The following CREBBP variants were observed in gnomAD, a reference collection of about 807,000 sequenced individuals.
CREBBP encodes CREB-binding protein.
Under a neutral mutation model 265.0 loss-of-function variants are expected in CREBBP, and 19 were observed. The ratio of observed to expected loss-of-function variants is 0.07; its 90% CI spans 0.05 to 0.11. The LOEUF is 0.11. Among genes scored for constraint, CREBBP ranks in the 10% least tolerant of loss-of-function variants. The pLI is 1.00. For synonymous variants in CREBBP, 1,457 were observed against 1,223.7 expected (o/e 1.19, Z -3.98); for missense variants, 2,525 against 3,219.0 (o/e 0.78, Z 5.22).
At chr16:3,835,876 G>T (rs181128369) in intron 2 of CREBBP, among the ~76,000 whole-genome samples, 1 of 151,356 alleles carries the variant, frequency 6.6e-6, no homozygotes, top group Non-Finnish European at 1.5e-5. Flanking sequence ...CACCGCGCCC[G>T]GCAGAAGATT....
At chr16:3,799,188 C>G (rs1567322500) in intron 3 of CREBBP, among the ~76,000 whole-genome samples, 1 of 152,168 alleles carries the variant, frequency 6.6e-6, no homozygotes, top group Admixed American at 6.6e-5. Flanking sequence ...TGGGGAATAA[C>G]TGCTAATGGT....
At chr16:3,757,134 A>C (rs1342559211) in intron 19 of CREBBP, among the ~76,000 whole-genome samples, 154 bp downstream of exon 19, 2 of 152,152 alleles carry the variant, frequency 1.3e-5, no homozygotes, top group African/African-American at 4.8e-5. Flanking sequence ...TCAGCCTCCC[A>C]AAGTGCTGGG....
Position 3,731,625 on chromosome 16 carries a change from G to T in CREBBP, c.4890+151C>A. On this transcript the variant is annotated intron_variant, in intron 29 of 30. Coordinates refer to ENST00000262367, the MANE Select transcript of CREBBP (RefSeq NM_004380.3). This position sits in a 1 kb window ranked among gnomAD's most constrained non-coding sequence, Gnocchi z 7.7. ...TGGGATGGAACAAAATTGGTGACAC[G>T]TTGCATGATGTCACCCAACTGGTCC... The T allele has an allele frequency of 7.2e-7, 1 of 1,383,308 alleles. No individual in the cohort carries two copies. The highest frequency in any genetic ancestry group is 1.0e-6 in the Non-Finnish European group (1 of 981,514). 85.7% of individuals were successfully genotyped at this position (1,383,308 alleles called of 1,614,324 possible).
chr16:3,819,506 G>C (rs529784738), intron 2 of CREBBP, among the ~76,000 whole-genome samples: 82 of 152,334 alleles, frequency 5.4e-4, no homozygotes, highest in African/African-American at 1.9e-3. Flanking sequence ...CAGAGAACGT[G>C]TAATGGTGGA....
At chr16:3,838,908 C>T (rs1333195877) in intron 2 of CREBBP, among the ~76,000 whole-genome samples, 1 of 152,164 alleles carries the variant, frequency 6.6e-6, no homozygotes, top group Non-Finnish European at 1.5e-5. Context: ...CTCATTATCA[C>T]TTCAAATGTT....
In CREBBP at chr16:3,757,316, C is replaced by T. The variant is rs777767339; in HGVS notation, c.3670G>A (p.Asp1224Asn). 1 of 1,613,642 alleles carries T rather than the reference C, an allele frequency of 6.2e-7. No homozygotes were observed. The highest frequency in any genetic ancestry group is 1.7e-5 in the Admixed American group (1 of 59,960). ...YGKQLCTIPR[D>N]AAYYSYQNRY... is the part of the protein sequence containing the mutation. ...TTCTGATAGCTGTAGTAGGCAGCAT[C>T]GCGAGGAATGGTACACAGCTGCTTC... The change falls in exon 19 of 31, where the codon GAT (aspartate) becomes AAT (asparagine). Residue 1224 changes from aspartate to asparagine, a missense_variant. By Grantham distance (23) the Asp-to-Asn change is conservative (BLOSUM62 1). Coordinates refer to ENST00000262367, the MANE Select transcript of CREBBP (RefSeq NM_004380.3).
intron 5 of CREBBP, among the ~76,000 whole-genome samples, chr16:3,790,441 C>T (rs939987121): frequency 7.3e-5 from 9 of 123,704 alleles, no homozygotes; most frequent in Admixed American, 1.1e-4. Context: ...CTGGCGTGAT[C>T]TCGGCTCACC....
intron 2 of CREBBP, among the ~76,000 whole-genome samples, chr16:3,833,219 C>T (rs1384229070): frequency 1.3e-5 from 2 of 152,212 alleles, no homozygotes; most frequent in Admixed American, 6.5e-5. Context: ...TCGAGACCAG[C>T]CTGACCAACA....
chr16:3,792,084 A>G lies in CREBBP; in HGVS notation c.1227T>C (p.Cys409=). 1 of 1,612,962 alleles carries G rather than the reference A, an allele frequency of 6.2e-7. No individual in the cohort carries two copies. The stretch of plus-strand genomic sequence containing the variant: ...GAGAGATGATTTGTCGTGAAGATGC[A>G]CAATGGGCAACTATGACCAGAAAAA... ...QAGKACQVAH[C]ASSRQIISHW... The change falls in exon 5 of 31, where the codon TGT becomes TGC. Residue 409 remains cysteine (C), a synonymous_variant. Transcript: ENST00000262367.
chr16:3,753,019 C>G (rs556903991), intron 19 of CREBBP, among the ~76,000 whole-genome samples: 1 of 152,254 alleles, frequency 6.6e-6, no homozygotes, highest in South Asian at 2.1e-4. Context: ...ATCACACAAG[C>G]GAGAAGAATG....
In CREBBP at chr16:3,729,701, C is replaced by G. The variant is rs533040964; in HGVS notation, c.5346G>C (p.Ala1782=). 6.2e-7 allele frequency: 1 copy of G among 1,612,264 alleles called. No individual in the cohort carries two copies. The highest frequency in any genetic ancestry group is 1.7e-5 in the Admixed American group (1 of 59,994). ...IQRCIQSLVH[A]CQCRNANCSL... is the part of the protein sequence containing the mutation. The stretch of plus-strand genomic sequence containing the variant: ...AGCAGTTGGCGTTGCGGCACTGGCA[C>G]GCGTGCACCAGCGACTGGATGCAGC... The change falls in exon 31 of 31, where the codon GCG becomes GCC. Residue 1782 remains alanine (A), a synonymous_variant. Coordinates refer to ENST00000262367, the MANE Select transcript of CREBBP (RefSeq NM_004380.3).
At chr16:3,735,666 C>T (rs1437129783) in intron 28 of CREBBP, among the ~76,000 whole-genome samples, 1 of 152,152 alleles carries the variant, frequency 6.6e-6, no homozygotes, top group African/African-American at 2.4e-5. Flanking sequence ...GAGAGGGCAG[C>T]AGGGCATGAG....
intron 3 of CREBBP, among the ~76,000 whole-genome samples, chr16:3,798,188 G>A (rs975077354): frequency 1.3e-5 from 2 of 152,164 alleles, no homozygotes; most frequent in Admixed American, 1.3e-4. Flanking sequence ...ACTCAAGGTG[G>A]AGCAAACACT....
intron 3 of CREBBP, among the ~76,000 whole-genome samples, chr16:3,802,983 A>G: frequency 6.6e-6 from 1 of 152,094 alleles, no homozygotes; most frequent in East Asian, 1.9e-4. Context: ...ACAGCTGGGT[A>G]TGCAAAGCTG....
intron 11 of CREBBP, among the ~76,000 whole-genome samples, chr16:3,777,320 G>C (rs902991404): frequency 3.3e-5 from 5 of 151,932 alleles, no homozygotes; most frequent in African/African-American, 1.2e-4. Flanking sequence ...GGGCGACAGA[G>C]CGAGACTCCA....
chr16:3,804,283 G>C (rs1329240771), intron 3 of CREBBP, among the ~76,000 whole-genome samples: 2 of 152,074 alleles, frequency 1.3e-5, no homozygotes, highest in Non-Finnish European at 2.9e-5. Flanking sequence ...GAATACTGTT[G>C]ATATATACAT....
At chr16:3,789,221 G>T (rs540938085) in intron 5 of CREBBP, among the ~76,000 whole-genome samples, 270 of 152,322 alleles carry the variant, frequency 1.8e-3, no homozygotes, top group Non-Finnish European at 2.2e-3. Flanking sequence ...GCGAGCACAG[G>T]TGGGTCTCGG....
At chr16:3,738,131 G>C (rs1234951549) in intron 26 of CREBBP, among the ~76,000 whole-genome samples, 1 of 152,014 alleles carries the variant, frequency 6.6e-6, no homozygotes, top group Non-Finnish European at 1.5e-5. Flanking sequence ...ATGTTGGTCA[G>C]GCTGGTCTTG....
chr16:3,843,872 G>A (rs1489445783), intron 2 of CREBBP, among the ~76,000 whole-genome samples: 2 of 151,934 alleles, frequency 1.3e-5, no homozygotes, highest in African/African-American at 2.4e-5. Context: ...CTTTCGGCCG[G>A]GCGCGGTGGC....
Sources: gnomAD v4.1 joint callset for allele counts (sites outside exome capture counted in the v4.1 genomes callset) on GRCh38, gnomAD v4.1.1 for gene constraint, Gnocchi (gnomAD v3.1) non-coding constraint, MANE v1.5 for transcripts, NCBI Gene and HGNC (gene_info 2026-07-23, HGNC 2026-07-21) for gene names.